Variants in OTOF observed in about 807,000 individuals in gnomAD.
OTOF encodes the protein fer-1-like family member 2.
In OTOF, 218 loss-of-function variants were observed where a neutral mutation model predicts 236.8. The ratio of observed to expected loss-of-function variants is 0.92; its 90% CI spans 0.82 to 1.03. The LOEUF (loss-of-function observed/expected upper bound fraction) is 1.03. OTOF is among the 50% of genes least tolerant of loss of function. The pLI is 0.00. For synonymous variants in OTOF, 1,041 were observed against 1,072.5 expected (o/e 0.97, Z 0.57); for missense variants, 2,590 against 2,694.4 (o/e 0.96, Z 0.86).
In OTOF at chr2:26,480,958, C is replaced by G; in HGVS notation, c.1631G>C (p.Arg544Pro). 1.2e-6 allele frequency: 2 copies of G among 1,609,042 alleles called. No homozygotes were observed. The highest frequency in any genetic ancestry group is 1.7e-6 in the Non-Finnish European group (2 of 1,178,420). ...PAWVNMYGST[R>P]NYTLLDEHQD... ...ATGCTCATCCAGCAGCGTGTAGTTACGTGTGGAGCCGTACATGTTCACCCA... is the reference window on the plus strand; with the variant it reads ...ATGCTCATCCAGCAGCGTGTAGTTAGGTGTGGAGCCGTACATGTTCACCCA... The change falls in exon 15 of 47, where the codon CGT (arginine) becomes CCT (proline). Residue 544 changes from arginine (R) to proline (P), a missense_variant. Arg to Pro is a moderately radical substitution (Grantham distance 103). Coordinates refer to ENST00000272371, the MANE Select transcript of OTOF (RefSeq NM_194248.3).
In OTOF at chr2:26,458,240, A is replaced by T. The variant is rs1664282155; in HGVS notation, c.*18-20T>A. 6.4e-7 allele frequency: 1 copy of T among 1,558,406 alleles called. No homozygotes were observed. The highest frequency in any genetic ancestry group is 8.7e-7 in the Non-Finnish European group (1 of 1,151,102). On this transcript the variant is annotated intron_variant, in intron 46 of 46. Transcript: ENST00000272371. ...GGCCGGCTGGGAAGTGGAAGAGAGGAGCCGGTCAGCCAGTGGGCAGGAGCT... is the reference window on the plus strand; with the variant it reads ...GGCCGGCTGGGAAGTGGAAGAGAGGTGCCGGTCAGCCAGTGGGCAGGAGCT...
chr2:26,482,634 T>TGTGAGTGGGTGC (rs1665570531), intron 13 of OTOF, 42 bp from the exon 14 acceptor site: 1 of 1,553,718 alleles, frequency 6.4e-7, no homozygotes, highest in Non-Finnish European at 8.9e-7. Context: ...GGCATGTGTG[T>TGTGAGTGGGTGC]GTGAGTGGGT....
Position 26,461,166 on chromosome 2 carries a change from C to T in OTOF, c.5534-136G>A, listed in dbSNP as rs1432158644. 14 of 794,376 alleles carry T rather than the reference C, an allele frequency of 1.8e-5. No homozygotes were observed. The highest frequency in any genetic ancestry group is 2.1e-6 in the Non-Finnish European group (1 of 480,748). The allele number at this position is 794,376 out of a possible 1,614,324, so 49.2% of individuals were successfully genotyped here. A position where few individuals can be genotyped will look rare whatever the true frequency, so the allele number is the denominator to read the frequency against. Reference sequence around the variant, plus strand: ...GCCCACATCTCATCCTCCTGCCTCACTCCCAGCAACTGGCCTCAATGCAGG... The same window carrying T: ...GCCCACATCTCATCCTCCTGCCTCATTCCCAGCAACTGGCCTCAATGCAGG... On this transcript the variant is annotated intron_variant, in intron 43 of 46. Transcript: ENST00000272371. The surrounding 1 kb of genome is among the most constrained non-coding windows in gnomAD (Gnocchi z 6.2).
At position 26,476,944 on chromosome 2, in the gene OTOF, C is replaced by T. The variant is rs755172692; in HGVS notation, c.2623G>A (p.Val875Met). 34 of 1,610,884 alleles carry T rather than the reference C, an allele frequency of 2.1e-5. No homozygotes were observed. The highest frequency in any genetic ancestry group is 5.0e-5 in the Admixed American group (3 of 59,936). The change falls in exon 22 of 47, where the codon GTG (valine) becomes ATG (methionine). Residue 875 changes from valine (V) to methionine (M), a missense_variant. Physicochemically the swap from Val to Met is conservative, Grantham distance 21 (BLOSUM62 1). Coordinates refer to ENST00000272371, the MANE Select transcript of OTOF (RefSeq NM_194248.3). ...VPSKDLLFSI[V>M]EEETGKDCAK... The stretch of plus-strand genomic sequence containing the variant: ...CAGTCCTTGCCAGTCTCCTCCTCCA[C>T]GATGGAGAAGAGCAGGTCCTTGGAG...
chr2:26,465,619 G>T, intron 38 of OTOF, 53 bp downstream of exon 38: 1 of 1,565,024 alleles, frequency 6.4e-7, no homozygotes, highest in Non-Finnish European at 8.8e-7. Flanking sequence ...TCATTTTAGA[G>T]TGGAGGCAAA....
chr2:26,533,724 T>G (rs1472726735), intron 2 of OTOF, among the ~76,000 whole-genome samples: 1 of 152,168 alleles, frequency 6.6e-6, no homozygotes, highest in Non-Finnish European at 1.5e-5. Context: ...CTGAGCCCAC[T>G]CGGTCTGGGC....
chr2:26,545,337 A>G (rs1667305993), intron 1 of OTOF, among the ~76,000 whole-genome samples: 1 of 152,208 alleles, frequency 6.6e-6, no homozygotes, highest in Non-Finnish European at 1.5e-5. Context: ...TCTTTTGCCT[A>G]CATAAAAAAT....
intron 1 of OTOF, among the ~76,000 whole-genome samples, chr2:26,545,739 T>C (rs866133021): frequency 6.6e-6 from 1 of 152,048 alleles, no homozygotes; most frequent in South Asian, 2.1e-4. Flanking sequence ...GAGGTAGGAG[T>C]TTGAAGTTCA....
intron 40 of OTOF, 129 bp downstream of exon 40, chr2:26,463,835 A>G: frequency 7.8e-7 from 1 of 1,276,604 alleles, no homozygotes; most frequent in Non-Finnish European, 1.1e-6. Flanking sequence ...CCTTGGTGGG[A>G]AGGTGCCTGC....
chr2:26,537,848 C>T, intron 1 of OTOF, 74 bp from the exon 2 acceptor site: 1 of 1,105,866 alleles, frequency 9.0e-7, no homozygotes, highest in East Asian at 2.6e-5. Context: ...ACCTCCTCAT[C>T]CTGGGAGTCG....
At chr2:26,471,685 CTG>C (rs986791784) in intron 30 of OTOF, among the ~76,000 whole-genome samples, 3 of 152,220 alleles carry the variant, frequency 2.0e-5, no homozygotes, top group African/African-American at 4.8e-5. Flanking sequence ...TTATAATAAA[CTG>C]TGATGGCTCA....
At chr2:26,465,245 C>G (rs908811120) in intron 38 of OTOF, among the ~76,000 whole-genome samples, 1 of 152,202 alleles carries the variant, frequency 6.6e-6, no homozygotes, top group South Asian at 2.1e-4. Context: ...TCAGTGTCCC[C>G]AGCCTAGCCC....
intron 5 of OTOF, among the ~76,000 whole-genome samples, chr2:26,510,509 A>C (rs1666357115): frequency 6.7e-6 from 1 of 150,294 alleles, no homozygotes; most frequent in African/African-American, 2.5e-5. Flanking sequence ...CCGCGACCCT[A>C]ACCCCTCCTC....
intron 8 of OTOF, 23 bp from the exon 9 acceptor site, chr2:26,495,096 C>T: frequency 4.3e-6 from 7 of 1,613,768 alleles, no homozygotes; most frequent in Non-Finnish European, 5.9e-6. Context: ...GAAGGGGGAG[C>T]CAGAAGGAAA....
chr2:26,535,674 T>C lies in OTOF; in HGVS notation c.138+2042A>G, dbSNP rs555374708. Among the ~76,000 whole-genome samples, 9 of 152,282 alleles carry C rather than the reference T, an allele frequency of 5.9e-5. No homozygotes were observed. The South Asian group carries it at 1.7e-3, about 28-fold the overall frequency. ...CCAGTCTCTCCACACTGACTCTGGC[T>C]ACCCCATCCCTAAGCTCCCATACAA... On this transcript the variant is annotated intron_variant, in intron 2 of 46. Coordinates refer to ENST00000272371, the MANE Select transcript of OTOF (RefSeq NM_194248.3).
rs191440226 is a variant in OTOF, at chr2:26,538,870, G to A, written c.80-1096C>T. On this transcript the variant is annotated intron_variant, in intron 1 of 46. Coordinates refer to ENST00000272371, the MANE Select transcript of OTOF (RefSeq NM_194248.3). ...TGCTCTGTTCCCAGGCTGGATTGCA[G>A]TGGCACGATCTCGGCTCACTGCAAC... 2.4e-3 allele frequency among the ~76,000 whole-genome samples: 367 copies of A among 149,810 alleles called. 1 individual carries two copies. Among genetic ancestry groups the A allele is most frequent in the African/African-American group, 8.7e-3 (355 of 40,772 alleles).
At chr2:26,503,179 C>T (rs908794062) in intron 6 of OTOF, among the ~76,000 whole-genome samples, 3 of 152,180 alleles carry the variant, frequency 2.0e-5, no homozygotes, top group Non-Finnish European at 4.4e-5. Flanking sequence ...GAGAAGATGG[C>T]CCCCTCCCAG....
In OTOF at chr2:26,503,713, A is replaced by T. The variant is rs1016193402; in HGVS notation, c.583+59T>A. The T allele has an allele frequency of 4.7e-6, 7 of 1,486,396 alleles. No individual in the cohort carries two copies. In the African/African-American group the frequency reaches 9.7e-5, roughly 21 times the overall value. The allele number at this position is 1,486,396 out of a possible 1,614,324, so 92.1% of individuals were successfully genotyped here. On this transcript the variant is annotated intron_variant, in intron 6 of 46. Transcript: ENST00000272371. ...TTTGGCAGCCGGGCAGGGGCTGGAA[A>T]GCGGCGGGAGGGCGCCGCGAGGCGC...
intron 14 of OTOF, among the ~76,000 whole-genome samples, chr2:26,482,180 T>A (rs1370819827): frequency 1.3e-5 from 2 of 152,172 alleles, no homozygotes; most frequent in Non-Finnish European, 2.9e-5. Context: ...ACACAACTAC[T>A]AGCTGACAAA....
Sources: allele counts gnomAD v4.1 joint callset (sites outside exome capture counted in the v4.1 genomes callset), GRCh38; gene constraint gnomAD v4.1.1; non-coding constraint Gnocchi (gnomAD v3.1); transcripts MANE v1.5; gene names NCBI Gene and HGNC (gene_info 2026-07-23, HGNC 2026-07-21).